Variants in SEC24D observed in about 807,000 individuals in gnomAD.
The protein encoded by SEC24D is protein transport protein Sec24D.
SEC24D carries 69 observed loss-of-function variants against 116.9 expected under a neutral mutation model. The observed-to-expected ratio is 0.59, with a 90% CI of 0.49 to 0.72. The LOEUF (loss-of-function observed/expected upper bound fraction) is 0.72. Among genes scored for constraint, SEC24D ranks in the 30% least tolerant of loss-of-function variants. The pLI, the probability that SEC24D is intolerant of heterozygous loss-of-function variation, is 0.00. For synonymous variants in SEC24D, 405 were observed against 442.8 expected (o/e 0.91, Z 1.07); for missense variants, 1,131 against 1,264.1 (o/e 0.89, Z 1.60).
intron 10 of SEC24D, among the ~76,000 whole-genome samples, chr4:118,761,503 A>C (rs189018819): frequency 1.2e-4 from 19 of 152,376 alleles, no homozygotes; most frequent in Admixed American, 9.8e-4. Flanking sequence ...TTTACTTCCC[A>C]TTATTCCCAA....
intron 6 of SEC24D, among the ~76,000 whole-genome samples, chr4:118,807,512 G>GT (rs1268159349): frequency 6.6e-6 from 1 of 150,888 alleles, no homozygotes; most frequent in Non-Finnish European, 1.5e-5. Context: ...TGGAGAGGGT[G>GT]TAAGAAGAGG....
chr4:118,815,403 G>C (rs976322267), intron 5 of SEC24D, 48 bp downstream of exon 5: 23 of 1,591,928 alleles, frequency 1.4e-5, no homozygotes, highest in Non-Finnish European at 2.0e-5. Context: ...TCAGTTAAGG[G>C]TTCCCCTGGG....
Position 118,827,853 on chromosome 4 carries a change from A to G in SEC24D, c.119-3104T>C, listed in dbSNP as rs1730648729. 2.0e-5 allele frequency among the ~76,000 whole-genome samples: 3 copies of G among 152,364 alleles called. No individual in the cohort carries two copies. In the South Asian group the frequency reaches 6.2e-4, roughly 32 times the overall value. On this transcript the variant is annotated intron_variant, in intron 2 of 22. Transcript: ENST00000280551. ...TAAAGGGGACTGTTATCAGCAAAGT[A>G]ACACTGACCAAACCACATCACAGAA...
At chr4:118,788,231 A>C (rs1258571382) in intron 8 of SEC24D, among the ~76,000 whole-genome samples, 1 of 152,264 alleles carries the variant, frequency 6.6e-6, no homozygotes. Flanking sequence ...TTAATTTCTA[A>C]TAACATATAG....
At chr4:118,729,497 C>T (rs1352831772) in intron 21 of SEC24D, 1 of 152,132 alleles carries the variant, frequency 6.6e-6, no homozygotes, top group Non-Finnish European at 1.5e-5. Flanking sequence ...TACTTTGTTC[C>T]TTCAGTGGAT....
chr4:118,777,282 C>G (rs372066965), intron 8 of SEC24D, among the ~76,000 whole-genome samples: 2 of 152,158 alleles, frequency 1.3e-5, no homozygotes, highest in East Asian at 1.9e-4. Flanking sequence ...CACCTCACAA[C>G]AGACCCCGGT....
At chr4:118,735,873 A>G (rs1725932529) in intron 19 of SEC24D, 1 of 151,650 alleles carries the variant, frequency 6.6e-6, no homozygotes, top group Non-Finnish European at 1.5e-5. Context: ...TTTTATTTTT[A>G]GTAGAGGTGG....
intron 8 of SEC24D, among the ~76,000 whole-genome samples, chr4:118,775,936 A>G (rs994073330): frequency 2.6e-5 from 4 of 152,142 alleles, no homozygotes; most frequent in Non-Finnish European, 5.9e-5. Flanking sequence ...ACTGTGAACA[A>G]TTTTTAAATT....
intron 11 of SEC24D, among the ~76,000 whole-genome samples, chr4:118,756,316 C>T (rs930766030): frequency 1.2e-4 from 18 of 152,134 alleles, no homozygotes; most frequent in Non-Finnish European, 1.0e-4. Flanking sequence ...AGGCATCAGA[C>T]GCCTTTCTTA....
chr4:118,726,627 G>A (rs1472881631), intron 22 of SEC24D, among the ~76,000 whole-genome samples: 2 of 152,126 alleles, frequency 1.3e-5, no homozygotes, highest in East Asian at 1.9e-4. Flanking sequence ...ACTGGAAAAG[G>A]GCCAATGGGA....
At chr4:118,830,657 A>T (rs1468409369) in intron 2 of SEC24D, among the ~76,000 whole-genome samples, 9 of 149,192 alleles carry the variant, frequency 6.0e-5, no homozygotes, top group Middle Eastern at 6.9e-3. Flanking sequence ...TTTTTTTTTT[A>T]AAAACAGCCA....
chr4:118,810,080 G>C (rs1208340747), intron 6 of SEC24D, among the ~76,000 whole-genome samples: 1 of 100,316 alleles, frequency 1.0e-5, no homozygotes, highest in South Asian at 3.3e-4. Context: ...GTAGCTGTGT[G>C]TGTGTGTGTG....
chr4:118,731,297 CAATGAAAAT>C lies in SEC24D; in HGVS notation c.2868+10_2868+18del. On this transcript the variant is annotated intron_variant, in intron 21 of 22. Coordinates refer to ENST00000280551, the MANE Select transcript of SEC24D (RefSeq NM_014822.4). ...TATATTTTTCATATTACCACAAAAG[CAATGAAAAT>C]AATACTTACCATATCTGTGTTGATA... 6.3e-7 allele frequency: 1 copy of C among 1,585,256 alleles called. No individual in the cohort carries two copies. Among genetic ancestry groups the C allele is most frequent in the Non-Finnish European group, 8.7e-7 (1 of 1,154,328 alleles).
chr4:118,793,392 G>A (rs978547367), intron 8 of SEC24D, among the ~76,000 whole-genome samples: 2 of 149,174 alleles, frequency 1.3e-5, no homozygotes, highest in South Asian at 2.1e-4. Context: ...GCGTGAACCC[G>A]GGAGGCGGAG....
At chr4:118,770,078 A>T (rs1727826303) in intron 8 of SEC24D, among the ~76,000 whole-genome samples, 1 of 152,190 alleles carries the variant, frequency 6.6e-6, no homozygotes, top group African/African-American at 2.4e-5. Context: ...ATGATCTAGA[A>T]GACAGAGAAT....
At chr4:118,824,901 C>G (rs567395481) in intron 2 of SEC24D, 152 bp from the exon 3 acceptor site, 3 of 588,426 alleles carry the variant, frequency 5.1e-6, no homozygotes, top group African/African-American at 1.9e-5. Flanking sequence ...CACCTACAGA[C>G]CTGTCAATAC....
Position 118,768,218 on chromosome 4 carries a change from C to G in SEC24D, c.1135G>C (p.Gly379Arg). The change falls in exon 9 of 23, where the codon GGA (glycine) becomes CGA (arginine). Residue 379 changes from glycine to arginine, a missense_variant. Transcript: ENST00000280551. ...YMCPFMQFIE[G>R]GRRYQCGFCN... ...AATCCACACTGATATCTCCTTCCTC[C>G]TTCGATGAACTGCATAAATGGGCAC... The G allele has an allele frequency of 6.2e-7, 1 of 1,613,902 alleles. No homozygotes were observed. Among genetic ancestry groups the G allele is most frequent in the Non-Finnish European group, 8.5e-7 (1 of 1,179,838 alleles).
intron 8 of SEC24D, among the ~76,000 whole-genome samples, chr4:118,773,256 G>A (rs972165998): frequency 1.3e-5 from 2 of 151,464 alleles, no homozygotes; most frequent in African/African-American, 4.8e-5. Context: ...GTGCCTGAAG[G>A]AAATACCTTG....
chr4:118,746,814 CAA>C lies in SEC24D; in HGVS notation c.1708-1756_1708-1755del, dbSNP rs536356268. On this transcript the variant is annotated intron_variant, in intron 13 of 22. Coordinates refer to ENST00000280551, the MANE Select transcript of SEC24D (RefSeq NM_014822.4). Reference sequence around the variant, plus strand: ...GGTTTGTGAATAGCTCTCTTAAAAACAAAGAGAGAGAATTCAAGGTCAGTCCT... The same window carrying C: ...GGTTTGTGAATAGCTCTCTTAAAAACAGAGAGAGAATTCAAGGTCAGTCCT... Among the ~76,000 whole-genome samples, 140 of 152,176 alleles carry C rather than the reference CAA, an allele frequency of 9.2e-4. No homozygotes were observed. In the Middle Eastern group the frequency reaches 0.01, roughly 11 times the overall value.
Sources: gnomAD v4.1 joint callset for allele counts (sites outside exome capture counted in the v4.1 genomes callset) on GRCh38, gnomAD v4.1.1 for gene constraint, MANE v1.5 for transcripts, NCBI Gene and HGNC (gene_info 2026-07-23, HGNC 2026-07-21) for gene names.